Variants in UNC5C observed in about 807,000 individuals in gnomAD.
UNC5C encodes unc-5 netrin receptor C, also known as netrin receptor UNC5C.
A neutral mutation model predicts 99.8 loss-of-function variants in UNC5C; 47 were observed. The observed-to-expected ratio is 0.47, with a 90% CI of 0.37 to 0.60. The LOEUF (loss-of-function observed/expected upper bound fraction) is 0.60. Among genes scored for constraint, UNC5C ranks in the 20% least tolerant of loss-of-function variants. The pLI is 0.00. For synonymous variants in UNC5C, 487 were observed against 452.2 expected (o/e 1.08, Z -0.98); for missense variants, 1,062 against 1,165.9 (o/e 0.91, Z 1.30).
intron 1 of UNC5C, among the ~76,000 whole-genome samples, chr4:95,433,655 C>G (rs538090306): frequency 1.9e-3 from 296 of 152,126 alleles, no homozygotes; most frequent in African/African-American, 6.7e-3. Flanking sequence ...ATATCATTAA[C>G]CAGAGTTCAA....
chr4:95,350,553 T>C (rs1056835661), intron 1 of UNC5C, among the ~76,000 whole-genome samples: 2 of 152,152 alleles, frequency 1.3e-5, no homozygotes, highest in Non-Finnish European at 2.9e-5. Context: ...CCTGTACTAG[T>C]ATTGTGAACC....
At chr4:95,199,348 G>T (rs1397226275) in intron 12 of UNC5C, among the ~76,000 whole-genome samples, 1 of 152,168 alleles carries the variant, frequency 6.6e-6, no homozygotes, top group Admixed American at 6.5e-5. Flanking sequence ...TCTTCGGTAT[G>T]TTGGAGAGGC....
rs77180294 is a variant in UNC5C, at chr4:95,455,252, T to A, written c.124+93482A>T. 9.7e-3 allele frequency among the ~76,000 whole-genome samples: 1,478 copies of A among 152,226 alleles called. 23 individuals carry two copies. Among genetic ancestry groups the A allele is most frequent in the African/African-American group, 0.034 (1,417 of 41,544 alleles). ...GGTTTGGGCAATAAACTTCAGGAAT[T>A]CTTTCCCATTGGCAAAGTGATGTCT... On this transcript the variant is annotated intron_variant, in intron 1 of 15. Coordinates refer to ENST00000453304, the MANE Select transcript of UNC5C (RefSeq NM_003728.4).
In UNC5C at chr4:95,327,708, T is replaced by C. The variant is rs145704350; in HGVS notation, c.346+7702A>G. The stretch of plus-strand genomic sequence containing the variant: ...TGGGGCAGTATAACTTCTGACTGCA[T>C]GACTTTGGAGAGGAGCCTGGCCGCA... On this transcript the variant is annotated intron_variant, in intron 2 of 15. Transcript: ENST00000453304. Among the ~76,000 whole-genome samples the C allele has an allele frequency of 6.3e-3, 962 of 152,216 alleles. 1 individual carries two copies. Among genetic ancestry groups the C allele is most frequent in the Non-Finnish European group, 0.01 (706 of 68,024 alleles).
At chr4:95,191,211 C>T (rs1246044135) in intron 12 of UNC5C, among the ~76,000 whole-genome samples, 1 of 152,156 alleles carries the variant, frequency 6.6e-6, no homozygotes. Flanking sequence ...GCATTATGTC[C>T]GGGTTAGATT....
intron 14 of UNC5C, among the ~76,000 whole-genome samples, chr4:95,179,962 G>A (rs1351182429): frequency 6.6e-6 from 1 of 151,472 alleles, no homozygotes; most frequent in African/African-American, 2.4e-5. Context: ...TGTTTATTTT[G>A]ATTGATGATA....
chr4:95,407,577 T>TG (rs1271956641), intron 1 of UNC5C, among the ~76,000 whole-genome samples: 6 of 152,154 alleles, frequency 3.9e-5, no homozygotes, highest in Non-Finnish European at 8.8e-5. Context: ...TGGAATTTTA[T>TG]GGAAGCACTT....
At chr4:95,248,290 T>C (rs1262058462) in intron 5 of UNC5C, 5 of 260,266 alleles carry the variant, frequency 1.9e-5, no homozygotes, top group Non-Finnish European at 3.8e-5. Flanking sequence ...ATTTACTTAA[T>C]ATAACTTTTA....
intron 1 of UNC5C, among the ~76,000 whole-genome samples, chr4:95,340,937 A>G (rs1743546530): frequency 6.6e-6 from 1 of 152,142 alleles, no homozygotes; most frequent in Non-Finnish European, 1.5e-5. Flanking sequence ...ATAATTTAAT[A>G]AATGCAATGT....
At chr4:95,222,276 A>G in intron 7 of UNC5C, 1 of 1,393,952 alleles carries the variant, frequency 7.2e-7, no homozygotes, top group Non-Finnish European at 9.4e-7. Context: ...CCTTGAAAAG[A>G]AAAAAAAATG....
intron 1 of UNC5C, among the ~76,000 whole-genome samples, chr4:95,416,513 C>T (rs554128758): frequency 3.9e-5 from 6 of 151,916 alleles, no homozygotes; most frequent in Admixed American, 1.3e-4. Context: ...ATATTAAGTG[C>T]GACATGAATT....
chr4:95,358,642 C>G (rs1434481002), intron 1 of UNC5C, among the ~76,000 whole-genome samples: 1 of 152,162 alleles, frequency 6.6e-6, no homozygotes, highest in Non-Finnish European at 1.5e-5. Flanking sequence ...TCTGGCAATC[C>G]CTTCAGGCTT....
chr4:95,274,316 C>A (rs912523290), intron 4 of UNC5C, among the ~76,000 whole-genome samples: 6 of 152,128 alleles, frequency 3.9e-5, no homozygotes, highest in African/African-American at 1.4e-4. Flanking sequence ...TCTGGATACC[C>A]TGTGACCCGG....
At chr4:95,531,836 T>C (rs1459001456) in intron 1 of UNC5C, among the ~76,000 whole-genome samples, 1 of 152,182 alleles carries the variant, frequency 6.6e-6, no homozygotes, top group Non-Finnish European at 1.5e-5. Context: ...TGGAGAAAAA[T>C]GAAAAATACA....
intron 1 of UNC5C, among the ~76,000 whole-genome samples, chr4:95,398,613 C>T (rs944337925): frequency 6.6e-6 from 1 of 152,112 alleles, no homozygotes; most frequent in African/African-American, 2.4e-5. Flanking sequence ...CTAGGTTAGA[C>T]AAAGCAATGA....
chr4:95,544,702 T>C (rs1723012909), intron 1 of UNC5C, among the ~76,000 whole-genome samples: 1 of 152,212 alleles, frequency 6.6e-6, no homozygotes, highest in South Asian at 2.1e-4. Context: ...TAGAAGCCAT[T>C]GTTTCTAATT....
rs373734499 is a variant in UNC5C, at chr4:95,405,280, G to A, written c.125-69649C>T. ...AGCTGGAGCCCAAAGTACTCGCCCC[G>A]GCCTCTACATGTGCCCATCTGCATA... On this transcript the variant is annotated intron_variant, in intron 1 of 15. Transcript: ENST00000453304. 2.6e-4 allele frequency among the ~76,000 whole-genome samples: 40 copies of A among 152,220 alleles called. No homozygotes were observed. The South Asian group carries it at 5.4e-3, about 20-fold the overall frequency.
At chr4:95,211,582 T>G (rs936108930) in intron 10 of UNC5C, among the ~76,000 whole-genome samples, 1 of 152,208 alleles carries the variant, frequency 6.6e-6, no homozygotes, top group Admixed American at 6.5e-5. Flanking sequence ...GAGCATATTT[T>G]TTTCCTCATG....
At chr4:95,473,327 C>G (rs1210743116) in intron 1 of UNC5C, among the ~76,000 whole-genome samples, 2 of 152,074 alleles carry the variant, frequency 1.3e-5, no homozygotes, top group African/African-American at 4.8e-5. Context: ...CCATGGTAAC[C>G]TGGGGTCCTG....
Sources: gnomAD v4.1 joint callset for allele counts (sites outside exome capture counted in the v4.1 genomes callset) on GRCh38, gnomAD v4.1.1 for gene constraint, MANE v1.5 for transcripts, NCBI Gene and HGNC (gene_info 2026-07-23, HGNC 2026-07-21) for gene names.